The following RNGTT variants were observed in gnomAD, a reference collection of about 807,000 sequenced individuals.
The protein encoded by RNGTT is RNA guanylyltransferase and 5'-phosphatase, also known as mRNA-capping enzyme.
A neutral mutation model predicts 79.3 loss-of-function variants in RNGTT; 33 were observed. The ratio of observed to expected loss-of-function variants is 0.42; its 90% CI spans 0.32 to 0.56. The LOEUF is 0.56. Among genes scored for constraint, RNGTT ranks in the 20% least tolerant of loss-of-function variants. The pLI is 0.17. For missense variants in RNGTT, 497 were observed against 739.1 expected (o/e 0.67, Z 3.80); for synonymous variants, 222 against 235.9 (o/e 0.94, Z 0.54).
At position 88,612,729 on chromosome 6, in the gene RNGTT, G is replaced by C. The variant is rs574476442; in HGVS notation, c.1784C>G (p.Pro595Arg). Residue 595 changes from proline (P) to arginine (R), a missense_variant, in exon 16 of 16, where the codon CCT (proline) becomes CGT (arginine). Physicochemically the swap from Pro to Arg is moderately radical, Grantham distance 103 (BLOSUM62 -2). This residue lies in a region of RNGTT where 53 missense variants were observed against 50.5 expected (regional missense o/e 1.05). Coordinates refer to ENST00000369485, the MANE Select transcript of RNGTT (RefSeq NM_003800.5). ...MPPPPPKRPRPLT is the reference protein window; with the variant it reads ...MPPPPPKRPRRLT ...AGTCACAGGCAGGTCTTAGGTTAAAGGGCGTGGTCTTTTGGGAGGTGGTGG... is the reference window on the plus strand; with the variant it reads ...AGTCACAGGCAGGTCTTAGGTTAAACGGCGTGGTCTTTTGGGAGGTGGTGG... The C allele has an allele frequency of 1.7e-5, 27 of 1,602,692 alleles. No individual in the cohort carries two copies. Among genetic ancestry groups the C allele is most frequent in the South Asian group, 7.7e-5 (7 of 90,814 alleles).
chr6:88,627,746 C>T (rs1772687093), intron 14 of RNGTT, among the ~76,000 whole-genome samples: 1 of 152,142 alleles, frequency 6.6e-6, no homozygotes, highest in Non-Finnish European at 1.5e-5. Flanking sequence ...AGACCACAGA[C>T]TCACACAGCC....
At chr6:88,803,821 G>A (rs548112892) in intron 11 of RNGTT, among the ~76,000 whole-genome samples, 1 of 152,092 alleles carries the variant, frequency 6.6e-6, no homozygotes, top group South Asian at 2.1e-4. Context: ...TGTATGTAAA[G>A]TAACAATAAA....
At chr6:88,743,179 G>A (rs1777552683) in intron 13 of RNGTT, among the ~76,000 whole-genome samples, 1 of 152,170 alleles carries the variant, frequency 6.6e-6, no homozygotes. Flanking sequence ...GACTATGATA[G>A]AAAAGGAGTA....
At chr6:88,641,338 TAAAAAA>T (rs869118891) in intron 14 of RNGTT, among the ~76,000 whole-genome samples, 2 of 136,702 alleles carry the variant, frequency 1.5e-5, no homozygotes, top group African/African-American at 2.7e-5. Context: ...GACTCTGTCT[TAAAAAA>T]AAAAAAAAAA....
At chr6:88,648,884 T>C (rs1347220361) in intron 14 of RNGTT, among the ~76,000 whole-genome samples, 5 of 152,196 alleles carry the variant, frequency 3.3e-5, no homozygotes, top group Non-Finnish European at 5.9e-5. Flanking sequence ...GTAAATCAGC[T>C]ATGAGTAAGT....
At chr6:88,643,364 C>T (rs1453240618) in intron 14 of RNGTT, among the ~76,000 whole-genome samples, 1 of 152,080 alleles carries the variant, frequency 6.6e-6, no homozygotes, top group Non-Finnish European at 1.5e-5. Flanking sequence ...ATTACTTTCA[C>T]ACCATCACAA....
chr6:88,733,612 G>A (rs1337887163), intron 13 of RNGTT, among the ~76,000 whole-genome samples: 1 of 149,024 alleles, frequency 6.7e-6, no homozygotes, highest in African/African-American at 2.5e-5. Context: ...AACAATCACC[G>A]AGCAGGATAA....
At chr6:88,960,845 G>A (rs1273846190) in intron 1 of RNGTT, among the ~76,000 whole-genome samples, 1 of 152,180 alleles carries the variant, frequency 6.6e-6, no homozygotes, top group Non-Finnish European at 1.5e-5. Context: ...TCTAGTACTA[G>A]TAAAGTGAAT....
intron 14 of RNGTT, among the ~76,000 whole-genome samples, chr6:88,665,167 G>A (rs1774350630): frequency 6.6e-6 from 1 of 152,064 alleles, no homozygotes; most frequent in Admixed American, 6.5e-5. Context: ...GAAGAGTAGC[G>A]ACTCTTCCTA....
chr6:88,707,823 A>G (rs1776187196), intron 13 of RNGTT, among the ~76,000 whole-genome samples: 1 of 151,872 alleles, frequency 6.6e-6, no homozygotes, highest in African/African-American at 2.4e-5. Flanking sequence ...TCCAATCATG[A>G]TAAATGCTAT....
intron 13 of RNGTT, among the ~76,000 whole-genome samples, chr6:88,764,812 T>G (rs898958458): frequency 2.0e-5 from 3 of 152,220 alleles, no homozygotes; most frequent in African/African-American, 7.2e-5. Context: ...CAACTTCTGT[T>G]CCTACCAAAC....
At chr6:88,796,479 A>G (rs1418138208) in intron 12 of RNGTT, among the ~76,000 whole-genome samples, 1 of 152,196 alleles carries the variant, frequency 6.6e-6, no homozygotes, top group African/African-American at 2.4e-5. Context: ...TAAATAAGGA[A>G]TAAATAGCAA....
intron 14 of RNGTT, among the ~76,000 whole-genome samples, chr6:88,676,398 C>T (rs1297206093): frequency 2.0e-5 from 3 of 151,310 alleles, no homozygotes; most frequent in Admixed American, 2.0e-4. Flanking sequence ...AAAAAAAGAA[C>T]ATCAATCCAT....
intron 13 of RNGTT, among the ~76,000 whole-genome samples, chr6:88,749,592 T>C (rs538654137): frequency 1.3e-5 from 2 of 152,262 alleles, no homozygotes; most frequent in East Asian, 3.9e-4. Flanking sequence ...TAATTAAGTG[T>C]AAATGGATGA....
At chr6:88,845,643 G>C (rs566996189) in intron 10 of RNGTT, among the ~76,000 whole-genome samples, 11 of 152,246 alleles carry the variant, frequency 7.2e-5, no homozygotes, top group African/African-American at 2.6e-4. Flanking sequence ...TTACATAGGG[G>C]TGGCAGCACT....
rs1299778882 is a variant in RNGTT, at chr6:88,904,574, A to AT, written c.684+140dup. On this transcript the variant is annotated intron_variant, in intron 6 of 15. Transcript: ENST00000369485. The stretch of plus-strand genomic sequence containing the variant: ...AAAACTTTCTCTCCAAAAAAAAAAA[A>AT]TTTTTTTTTTAGAAAGGGCTAGGAT... The AT allele has an allele frequency of 3.0e-3, 2,582 of 861,186 alleles. 1 individual carries two copies. Among genetic ancestry groups the AT allele is most frequent in the South Asian group, 6.9e-3 (284 of 41,028 alleles). 53.3% of individuals were successfully genotyped at this position (861,186 alleles called of 1,614,324 possible). A position where few individuals can be genotyped will look rare whatever the true frequency, so the allele number is the denominator to read the frequency against.
At chr6:88,801,822 GACACACACACACAC>G (rs56124919) in intron 11 of RNGTT, among the ~76,000 whole-genome samples, 190 bp from the exon 12 acceptor site, 8 of 123,174 alleles carry the variant, frequency 6.5e-5, no homozygotes, top group African/African-American at 2.0e-4. Flanking sequence ...CACACACACA[GACACACACACACAC>G]ACACACACAC....
intron 11 of RNGTT, among the ~76,000 whole-genome samples, chr6:88,803,258 C>G (rs1432657813): frequency 6.6e-6 from 1 of 151,992 alleles, no homozygotes. Context: ...GGGGGGTAGT[C>G]TTTAATGAGT....
chr6:88,963,522 A>T lies in RNGTT; in HGVS notation c.-113T>A. ...TCCGAGACACCCGAATCGCAGCCGT[A>T]ATCTGAATTCCAACCTCTCCGATCC... On this transcript the variant is annotated 5_prime_UTR_variant, in exon 1 of 16. Coordinates refer to ENST00000369485, the MANE Select transcript of RNGTT (RefSeq NM_003800.5). 9.7e-7 allele frequency: 1 copy of T among 1,026,812 alleles called. No individual in the cohort carries two copies. The highest frequency in any genetic ancestry group is 1.4e-6 in the Non-Finnish European group (1 of 735,698). The allele number at this position is 1,026,812 out of a possible 1,614,324, so 63.6% of individuals were successfully genotyped here. A position where few individuals can be genotyped will look rare whatever the true frequency, so the allele number is the denominator to read the frequency against.
Sources: allele counts gnomAD v4.1 joint callset (sites outside exome capture counted in the v4.1 genomes callset), GRCh38; gene constraint gnomAD v4.1.1; regional missense constraint gnomAD v4.1.1; transcripts MANE v1.5; gene names NCBI Gene and HGNC (gene_info 2026-07-23, HGNC 2026-07-21).